The following CNTN5 variants were observed in gnomAD, a reference collection of about 807,000 sequenced individuals.
CNTN5 encodes contactin 5.
Under a neutral mutation model 129.1 loss-of-function variants are expected in CNTN5, and 77 were observed. The observed-to-expected ratio is 0.60, with a 90% confidence interval of 0.50 to 0.72. The LOEUF (loss-of-function observed/expected upper bound fraction) is 0.72. Ranked by LOEUF, CNTN5 falls within the 30% of genes least tolerant of loss-of-function variation. CNTN5 has a pLI of 0.00. For synonymous variants in CNTN5, 509 were observed against 465.6 expected (o/e 1.09, Z -1.20); for missense variants, 1,478 against 1,328.8 (o/e 1.11, Z -1.75).
chr11:99,647,500 A>G (rs1211271988), intron 3 of CNTN5, among the ~76,000 whole-genome samples: 1 of 151,866 alleles, frequency 6.6e-6, no homozygotes, highest in Non-Finnish European at 1.5e-5. Context: ...CTTTTTGCTC[A>G]GTATTATTTT....
intron 6 of CNTN5, among the ~76,000 whole-genome samples, chr11:99,912,682 G>C (rs1001674308): frequency 1.4e-4 from 21 of 146,018 alleles, no homozygotes; most frequent in African/African-American, 5.1e-4. Flanking sequence ...AGGATGAATA[G>C]GTGCAGTAAT....
At chr11:99,050,005 G>C (rs905181395) in intron 1 of CNTN5, among the ~76,000 whole-genome samples, 2 of 152,014 alleles carry the variant, frequency 1.3e-5, no homozygotes, top group African/African-American at 2.4e-5. Flanking sequence ...GATGGTGAGA[G>C]TATTATGCAA....
intron 1 of CNTN5, among the ~76,000 whole-genome samples, chr11:99,135,425 T>C (rs543700574): frequency 1.3e-5 from 2 of 151,954 alleles, no homozygotes; most frequent in Non-Finnish European, 2.9e-5. Flanking sequence ...TCAGAAGAAA[T>C]AGCAAGTACA....
intron 21 of CNTN5, among the ~76,000 whole-genome samples, chr11:100,328,777 GA>G (rs1951840806): frequency 6.6e-6 from 1 of 152,080 alleles, no homozygotes. Flanking sequence ...AGAAAAAAAA[GA>G]AAAAGAAAAA....
At chr11:99,906,856 TTTC>T (rs1169340782) in intron 6 of CNTN5, among the ~76,000 whole-genome samples, 26 of 152,188 alleles carry the variant, frequency 1.7e-4, no homozygotes, top group African/African-American at 6.3e-4. Context: ...GTTTGACTTC[TTTC>T]TTCTTTAGTC....
In CNTN5 at chr11:100,155,882, TATC is replaced by T. The variant is rs58852578; in HGVS notation, c.1581-35238_1581-35236del. Among the ~76,000 whole-genome samples the T allele has an allele frequency of 3.3e-3, 507 of 152,316 alleles. 2 individuals are homozygous for T. Among genetic ancestry groups the T allele is most frequent in the African/African-American group, 8.5e-3 (354 of 41,560 alleles). On this transcript the variant is annotated intron_variant, in intron 13 of 24. Coordinates refer to ENST00000524871, the MANE Select transcript of CNTN5 (RefSeq NM_014361.4). The stretch of plus-strand genomic sequence containing the variant: ...ATCCTGAGACTTTGCTGAAGTTGCT[TATC>T]ATCATAAGGAGATTTGGGGCTGAGA...
intron 3 of CNTN5, among the ~76,000 whole-genome samples, chr11:99,749,941 G>C (rs1944177172): frequency 6.6e-6 from 1 of 152,036 alleles, no homozygotes; most frequent in African/African-American, 2.4e-5. Context: ...TGACTTTCTT[G>C]CTCCCTTCCT....
At chr11:99,597,471 G>A (rs1466845237) in intron 3 of CNTN5, among the ~76,000 whole-genome samples, 1 of 151,374 alleles carries the variant, frequency 6.6e-6, no homozygotes, top group Non-Finnish European at 1.5e-5. Context: ...AGAGTAGTGA[G>A]GGGAGCTTGG....
intron 1 of CNTN5, among the ~76,000 whole-genome samples, chr11:99,241,319 T>TTG (rs1491128293): frequency 0.036 from 196 of 5,506 alleles, no homozygotes; most frequent in Non-Finnish European, 0.12. Flanking sequence ...TGATTGTTGG[T>TTG]TTTTTTTTTT....
At chr11:99,745,509 A>G (rs1487688315) in intron 3 of CNTN5, among the ~76,000 whole-genome samples, 1 of 56,818 alleles carries the variant, frequency 1.8e-5, no homozygotes. Flanking sequence ...CTGCCAGCTT[A>G]TATGGCAGCC....
intron 16 of CNTN5, 138 bp from the exon 17 acceptor site, chr11:100,255,622 G>T: frequency 1.4e-6 from 1 of 703,164 alleles, no homozygotes; most frequent in Non-Finnish European, 2.2e-6. Context: ...ATGACTTTTT[G>T]TTGTCAATTT....
At chr11:99,759,727 G>A (rs1944517621) in intron 3 of CNTN5, among the ~76,000 whole-genome samples, 1 of 151,186 alleles carries the variant, frequency 6.6e-6, no homozygotes, top group Non-Finnish European at 1.5e-5. Flanking sequence ...GAAGGAGAGG[G>A]AAAGAGAGAA....
chr11:99,375,022 G>A (rs1940077268), intron 2 of CNTN5, among the ~76,000 whole-genome samples: 3 of 152,134 alleles, frequency 2.0e-5, no homozygotes, highest in Admixed American at 2.0e-4. Context: ...GGAGAGCTAG[G>A]CCGGGCGTGA....
chr11:99,130,185 C>T (rs896853489), intron 1 of CNTN5, among the ~76,000 whole-genome samples: 4 of 152,058 alleles, frequency 2.6e-5, no homozygotes, highest in African/African-American at 7.2e-5. Context: ...GATAAAAAGG[C>T]GAGACCCATC....
At chr11:99,716,504 T>G (rs530395732) in intron 3 of CNTN5, among the ~76,000 whole-genome samples, 2 of 152,140 alleles carry the variant, frequency 1.3e-5, no homozygotes, top group East Asian at 3.9e-4. Context: ...ATCACCTTCT[T>G]TTCATGCTGC....
At chr11:99,645,578 A>G (rs867905490) in intron 3 of CNTN5, among the ~76,000 whole-genome samples, 1 of 152,134 alleles carries the variant, frequency 6.6e-6, no homozygotes, top group Non-Finnish European at 1.5e-5. Flanking sequence ...GACTGGATTA[A>G]GAAAATGTGG....
At chr11:100,257,174 T>A (rs2138731785) in intron 17 of CNTN5, among the ~76,000 whole-genome samples, 1 of 152,260 alleles carries the variant, frequency 6.6e-6, no homozygotes. Context: ...CACCTGGAAG[T>A]CTGCAATGGG....
chr11:99,359,209 C>A (rs1297626298), intron 2 of CNTN5, among the ~76,000 whole-genome samples: 4 of 152,044 alleles, frequency 2.6e-5, no homozygotes, highest in African/African-American at 9.7e-5. Context: ...CACAATATTT[C>A]CCATTCATAA....
At chr11:99,811,716 T>G (rs985498216) in intron 3 of CNTN5, among the ~76,000 whole-genome samples, 1 of 151,954 alleles carries the variant, frequency 6.6e-6, no homozygotes, top group Non-Finnish European at 1.5e-5. Context: ...TATTAATATT[T>G]ACTCCTACCC....
Sources: allele counts gnomAD v4.1 joint callset (sites outside exome capture counted in the v4.1 genomes callset), GRCh38; gene constraint gnomAD v4.1.1; transcripts MANE v1.5; gene names NCBI Gene and HGNC (gene_info 2026-07-23, HGNC 2026-07-21).